The following PPP2R5C variants were observed in gnomAD, a reference collection of about 807,000 sequenced individuals.
PPP2R5C encodes the protein protein phosphatase 2 regulatory subunit B'gamma.
Under a neutral mutation model 68.9 loss-of-function variants are expected in PPP2R5C, and 7 were observed. The ratio of observed to expected loss-of-function variants is 0.10; its 90% confidence interval spans 0.06 to 0.19. The LOEUF is 0.19. PPP2R5C is among the 10% of genes least tolerant of loss of function. The probability of loss-of-function intolerance (pLI) is 1.00; values close to 1 mark genes in which losing one functional copy is unlikely to be tolerated. For missense variants in PPP2R5C, 348 were observed against 641.3 expected (o/e 0.54, Z 4.94); for synonymous variants, 210 against 222.2 (o/e 0.95, Z 0.49).
At chr14:101,878,213 A>G (rs1197814561) in intron 2 of PPP2R5C, among the ~76,000 whole-genome samples, 2 of 152,028 alleles carry the variant, frequency 1.3e-5, no homozygotes, top group Non-Finnish European at 2.9e-5. Flanking sequence ...ACCCTTCATT[A>G]TTTTCTCTGA....
chr14:101,848,588 A>T (rs1193467695), intron 1 of PPP2R5C, among the ~76,000 whole-genome samples: 1 of 152,032 alleles, frequency 6.6e-6, no homozygotes, highest in Non-Finnish European at 1.5e-5. Flanking sequence ...CGTGAGTGCG[A>T]GTATGTCTTC....
chr14:101,831,557 CCTGT>C (rs1413073143), intron 1 of PPP2R5C: 8 of 479,722 alleles, frequency 1.7e-5, no homozygotes, highest in Admixed American at 3.4e-5. Context: ...TGCTTATCAT[CCTGT>C]CTGAGTTGTA....
chr14:101,819,025 G>C, intron 1 of PPP2R5C: 1 of 1,551,550 alleles, frequency 6.4e-7, no homozygotes, highest in Non-Finnish European at 8.7e-7. Flanking sequence ...AAGCCCTAAA[G>C]TACCACCTCC....
chr14:101,870,381 A>G (rs777962302), intron 2 of PPP2R5C, among the ~76,000 whole-genome samples: 2 of 152,166 alleles, frequency 1.3e-5, no homozygotes, highest in Non-Finnish European at 2.9e-5. Flanking sequence ...TCTTTGGCGT[A>G]TGGATTTCCA....
intron 3 of PPP2R5C, among the ~76,000 whole-genome samples, chr14:101,792,448 A>G (rs1475773897): frequency 6.6e-6 from 1 of 151,338 alleles, no homozygotes; most frequent in Non-Finnish European, 1.5e-5. Context: ...AGCGAATTCA[A>G]CATTTACTCT....
At chr14:101,777,766 T>C (rs1276696549) in intron 2 of PPP2R5C, among the ~76,000 whole-genome samples, 5 of 152,172 alleles carry the variant, frequency 3.3e-5, no homozygotes, top group Non-Finnish European at 4.4e-5. Flanking sequence ...TAGTTCCACG[T>C]CCTTTATGAC....
At chr14:101,809,922 G>A in exon 1 of PPP2R5C, 1 of 1,611,574 alleles carries the variant, frequency 6.2e-7, no homozygotes, top group Non-Finnish European at 8.5e-7. Flanking sequence ...GGAGCCCATT[G>A]CCTTTCCCGC....
intron 2 of PPP2R5C, among the ~76,000 whole-genome samples, chr14:101,783,605 T>C (rs1214121614): frequency 6.6e-6 from 1 of 152,046 alleles, no homozygotes; most frequent in Non-Finnish European, 1.5e-5. Flanking sequence ...ACTTATTTTC[T>C]CAGGGGCAGA....
At position 101,762,899 on chromosome 14, in the gene PPP2R5C, T is replaced by C. The variant is rs757646430; in HGVS notation, c.28-6T>C. On this transcript the variant is annotated splice_region_variant and splice_polypyrimidine_tract_variant and intron_variant, in intron 1 of 14. Transcript: ENST00000328724. ...AGACTAATTGACTTTGCTTGATGTT[T>C]ACCAGGAATCACCAAAAGCAGGGAA... 9.5e-6 allele frequency: 15 copies of C among 1,579,298 alleles called. No individual in the cohort carries two copies. In the African/African-American group the frequency reaches 1.9e-4, roughly 20 times the overall value.
At chr14:101,856,630 A>C (rs541933285) in intron 1 of PPP2R5C, 56 bp from the exon 4 acceptor site, 2 of 1,465,142 alleles carry the variant, frequency 1.4e-6, no homozygotes, top group South Asian at 2.3e-5. Flanking sequence ...TGTGTTTCAC[A>C]ATAACTTTGG....
intron 1 of PPP2R5C, among the ~76,000 whole-genome samples, chr14:101,844,409 T>C (rs538498448): frequency 1.3e-5 from 2 of 152,324 alleles, no homozygotes; most frequent in Admixed American, 6.5e-5. Context: ...CCCGTGTTGC[T>C]CTGTGGCCCT....
chr14:101,886,958 C>T (rs187146765), intron 5 of PPP2R5C, among the ~76,000 whole-genome samples: 2 of 152,298 alleles, frequency 1.3e-5, no homozygotes, highest in South Asian at 2.1e-4. Flanking sequence ...TGGTCTCAAA[C>T]TCCTGGCCTC....
chr14:101,832,444 A>G (rs1480157847), intron 1 of PPP2R5C, among the ~76,000 whole-genome samples: 1 of 152,194 alleles, frequency 6.6e-6, no homozygotes, highest in African/African-American at 2.4e-5. Context: ...AAGTGTATCC[A>G]TTTAAAGCAA....
chr14:101,914,730 T>G (rs913776902), intron 12 of PPP2R5C, among the ~76,000 whole-genome samples: 3 of 152,260 alleles, frequency 2.0e-5, no homozygotes, highest in Non-Finnish European at 4.4e-5. Flanking sequence ...TGAGCAGTTA[T>G]GGCAACTTTA....
At chr14:101,876,064 A>C (rs1566930371) in intron 2 of PPP2R5C, among the ~76,000 whole-genome samples, 1 of 152,162 alleles carries the variant, frequency 6.6e-6, no homozygotes, top group Admixed American at 6.5e-5. Context: ...TGCATGTGGT[A>C]GTCTAGTTGT....
In PPP2R5C at chr14:101,784,585, G is replaced by A. The variant is rs543789485; in HGVS notation, c.94-1433G>A. On this transcript the variant is annotated intron_variant, in intron 2 of 14. Coordinates refer to the PPP2R5C transcript ENST00000328724. Reference sequence around the variant, plus strand: ...CTCACTCACTATCACAAGAACAGCAGGGGGGAAACTGCCCCCACAATCCAG... The same window carrying A: ...CTCACTCACTATCACAAGAACAGCAAGGGGGAAACTGCCCCCACAATCCAG... Among the ~76,000 whole-genome samples, 31 of 152,168 alleles carry A rather than the reference G, an allele frequency of 2.0e-4. No individual in the cohort carries two copies. The Middle Eastern group carries it at 0.017, about 84-fold the overall frequency.
At chr14:101,817,860 C>G (rs1229338076) in intron 1 of PPP2R5C, among the ~76,000 whole-genome samples, 1 of 152,184 alleles carries the variant, frequency 6.6e-6, no homozygotes, top group Admixed American at 6.5e-5. Context: ...CCTGGAGTGT[C>G]GTGAGACTCA....
intron 1 of PPP2R5C, chr14:101,823,813 T>G: frequency 8.7e-6 from 10 of 1,154,822 alleles, no homozygotes; most frequent in Non-Finnish European, 9.8e-6. Context: ...ATCACAGGGA[T>G]CTATCTACAC....
chr14:101,909,304 C>T (rs747955048), intron 10 of PPP2R5C, among the ~76,000 whole-genome samples: 1 of 152,158 alleles, frequency 6.6e-6, no homozygotes, highest in Non-Finnish European at 1.5e-5. Context: ...GTTCAAGTTT[C>T]AATGTTTTTA....
Sources: gnomAD v4.1 joint callset for allele counts (sites outside exome capture counted in the v4.1 genomes callset) on GRCh38, gnomAD v4.1.1 for gene constraint, MANE v1.5 for transcripts, NCBI Gene and HGNC (gene_info 2026-07-23, HGNC 2026-07-21) for gene names.